Variants in LRMDA observed in about 807,000 individuals in gnomAD.
The protein encoded by LRMDA is leucine rich melanocyte differentiation associated.
LRMDA carries 18 observed loss-of-function variants against 29.8 expected under a neutral mutation model. The observed-to-expected ratio is 0.60, with a 90% CI of 0.42 to 0.90. LRMDA has a LOEUF of 0.90. Ranked by LOEUF, LRMDA falls within the 40% of genes least tolerant of loss-of-function variation. The pLI is 0.00. For missense variants in LRMDA, 273 were observed against 273.9 expected (o/e 1.00, Z 0.02); for synonymous variants, 125 against 109.4 (o/e 1.14, Z -0.89).
intron 5 of LRMDA, among the ~76,000 whole-genome samples, chr10:76,232,670 G>A (rs886707796): frequency 2.6e-5 from 4 of 152,176 alleles, no homozygotes; most frequent in Non-Finnish European, 5.9e-5. Flanking sequence ...GCCTAAGTCT[G>A]GCTTACACAC....
intron 2 of LRMDA, among the ~76,000 whole-genome samples, chr10:75,889,367 C>T (rs1336320756): frequency 1.3e-5 from 2 of 152,206 alleles, no homozygotes; most frequent in Admixed American, 1.3e-4. Context: ...CCTTTCCCTT[C>T]AGCTATTGTC....
Position 76,054,540 on chromosome 10 carries a change from G to C in LRMDA, c.399-4126G>C, listed in dbSNP as rs557088217. Among the ~76,000 whole-genome samples the C allele has an allele frequency of 3.3e-5, 5 of 151,944 alleles. No individual in the cohort carries two copies. The East Asian group carries it at 7.8e-4, about 24-fold the overall frequency. ...CATGGTTCCTGCCAGCCCCGTGAAG[G>C]CATCCTTCACTCCATCGTTAAACAT... On this transcript the variant is annotated intron_variant, in intron 4 of 6. Coordinates refer to ENST00000611255, the MANE Select transcript of LRMDA (RefSeq NM_001305581.2).
chr10:76,296,126 C>G (rs1241753992), intron 5 of LRMDA, among the ~76,000 whole-genome samples: 1 of 152,212 alleles, frequency 6.6e-6, no homozygotes, highest in East Asian at 1.9e-4. Flanking sequence ...TGTGCCCTGA[C>G]TTTGGCTTCA....
chr10:75,904,269 G>C (rs991312786), intron 2 of LRMDA, among the ~76,000 whole-genome samples: 52 of 152,202 alleles, frequency 3.4e-4, no homozygotes, highest in African/African-American at 1.2e-3. Context: ...GGCCCTGATA[G>C]TGTTCTTTCT....
At chr10:75,607,249 A>G (rs1274930083) in intron 2 of LRMDA, among the ~76,000 whole-genome samples, 2 of 152,230 alleles carry the variant, frequency 1.3e-5, no homozygotes, top group South Asian at 2.1e-4. Flanking sequence ...AGTCTTTCCT[A>G]TCTTGTATTT....
chr10:75,886,886 G>A (rs936641303), intron 2 of LRMDA, among the ~76,000 whole-genome samples: 8 of 152,046 alleles, frequency 5.3e-5, no homozygotes, highest in African/African-American at 1.7e-4. Flanking sequence ...GGACTAAATC[G>A]TCAGGGCCCT....
Position 75,431,701 on chromosome 10 carries a change from C to G in LRMDA, c.-24C>G, listed in dbSNP as rs1239195854. 33 of 1,304,030 alleles carry G rather than the reference C, an allele frequency of 2.5e-5. No individual in the cohort carries two copies. The highest frequency in any genetic ancestry group is 7.7e-5 in the South Asian group (3 of 38,762). The allele number at this position is 1,304,030 out of a possible 1,614,324, so 80.8% of individuals were successfully genotyped here. A position where few individuals can be genotyped will look rare whatever the true frequency, so the allele number is the denominator to read the frequency against. ...CGCCGCGCCCCCGCGCTCCGTCCCGCGCGCCCGCAGCGTCCTGGCCGCCAT... is the reference window on the plus strand; with the variant it reads ...CGCCGCGCCCCCGCGCTCCGTCCCGGGCGCCCGCAGCGTCCTGGCCGCCAT... On this transcript the variant is annotated 5_prime_UTR_variant, in exon 1 of 7. Transcript: ENST00000611255.
At chr10:75,846,228 T>G (rs1394130416) in intron 2 of LRMDA, among the ~76,000 whole-genome samples, 1 of 149,894 alleles carries the variant, frequency 6.7e-6, no homozygotes, top group Non-Finnish European at 1.5e-5. Flanking sequence ...TGAGCTTTTC[T>G]CTTTAAACTA....
intron 6 of LRMDA, among the ~76,000 whole-genome samples, chr10:76,394,877 A>C (rs1256090474): frequency 2.0e-5 from 3 of 152,164 alleles, no homozygotes; most frequent in African/African-American, 4.8e-5. Context: ...GGTTTTTCCC[A>C]TTGTTATTTC....
chr10:75,808,005 C>T (rs892746884), intron 2 of LRMDA, among the ~76,000 whole-genome samples: 1 of 152,090 alleles, frequency 6.6e-6, no homozygotes, highest in Non-Finnish European at 1.5e-5. Context: ...AGTATGTGGG[C>T]ATTTGTGGAT....
intron 2 of LRMDA, among the ~76,000 whole-genome samples, chr10:75,778,205 G>A (rs1251185459): frequency 6.6e-6 from 1 of 152,106 alleles, no homozygotes; most frequent in African/African-American, 2.4e-5. Flanking sequence ...AGCCCCCTGA[G>A]TAGGTGGGAC....
At chr10:75,611,064 C>T (rs1431015672) in intron 2 of LRMDA, among the ~76,000 whole-genome samples, 1 of 151,954 alleles carries the variant, frequency 6.6e-6, no homozygotes, top group Non-Finnish European at 1.5e-5. Context: ...GCTGCAGAGG[C>T]TGGAGCTGGT....
At chr10:76,113,417 T>A (rs1364513437) in intron 5 of LRMDA, among the ~76,000 whole-genome samples, 1 of 151,882 alleles carries the variant, frequency 6.6e-6, no homozygotes, top group Non-Finnish European at 1.5e-5. Flanking sequence ...CTTGGAGAGT[T>A]GTCACTACCC....
chr10:75,560,696 G>T (rs2132061718), intron 2 of LRMDA, among the ~76,000 whole-genome samples: 1 of 150,314 alleles, frequency 6.7e-6, no homozygotes, highest in Admixed American at 6.6e-5. Context: ...TTATTATTTT[G>T]AGATATGTCC....
intron 5 of LRMDA, among the ~76,000 whole-genome samples, chr10:76,121,530 T>C (rs1849789336): frequency 6.6e-6 from 1 of 152,154 alleles, no homozygotes; most frequent in Non-Finnish European, 1.5e-5. Flanking sequence ...TGGGACTGAG[T>C]TCTGGCTTCA....
chr10:76,468,901 G>C (rs1326852476), intron 6 of LRMDA, among the ~76,000 whole-genome samples: 1 of 152,156 alleles, frequency 6.6e-6, no homozygotes, highest in Non-Finnish European at 1.5e-5. Flanking sequence ...GTGAGAAAGA[G>C]AGGGAAAGAG....
At chr10:75,724,787 T>G (rs1244757340) in intron 2 of LRMDA, among the ~76,000 whole-genome samples, 5 of 152,318 alleles carry the variant, frequency 3.3e-5, no homozygotes, top group African/African-American at 1.2e-4. Flanking sequence ...TCGGCTGTTT[T>G]GTATTGCTGG....
At chr10:76,264,936 C>T (rs561918665) in intron 5 of LRMDA, among the ~76,000 whole-genome samples, 15 of 152,312 alleles carry the variant, frequency 9.8e-5, no homozygotes, top group African/African-American at 3.6e-4. Flanking sequence ...CACAGACAGA[C>T]ATTCAGCGTT....
At chr10:75,635,522 A>T (rs1841380154) in intron 2 of LRMDA, among the ~76,000 whole-genome samples, 1 of 152,174 alleles carries the variant, frequency 6.6e-6, no homozygotes, top group Non-Finnish European at 1.5e-5. Context: ...TGGCCTTAAA[A>T]ACATGTACCA....
Sources: allele counts gnomAD v4.1 joint callset (sites outside exome capture counted in the v4.1 genomes callset), GRCh38; gene constraint gnomAD v4.1.1; transcripts MANE v1.5; gene names NCBI Gene and HGNC (gene_info 2026-07-23, HGNC 2026-07-21).